Variants in NRXN1 observed in about 807,000 individuals in gnomAD.
NRXN1 encodes neurexin 1.
In NRXN1, 39 loss-of-function variants were observed where a neutral mutation model predicts 150.9. The ratio of observed to expected loss-of-function variants is 0.26; its 90% CI spans 0.20 to 0.34. NRXN1 has a LOEUF of 0.34. Ranked by LOEUF, NRXN1 falls within the 10% of genes least tolerant of loss-of-function variation. The pLI is 1.00. For missense variants in NRXN1, 1,815 were observed against 1,949.9 expected, an observed-to-expected ratio of 0.93 and a Z score of 1.30; for synonymous variants, 924 against 757.0, an observed-to-expected ratio of 1.22 and a Z score of -3.62.
intron 12 of NRXN1, among the ~76,000 whole-genome samples, chr2:50,514,055 G>T (rs1048370669): frequency 6.6e-6 from 1 of 152,024 alleles, no homozygotes; most frequent in Non-Finnish European, 1.5e-5. Flanking sequence ...CACTTTATTT[G>T]TCTAACATAT....
chr2:50,645,550 G>A (rs1038657690), intron 5 of NRXN1, among the ~76,000 whole-genome samples: 5 of 151,900 alleles, frequency 3.3e-5, no homozygotes, highest in Non-Finnish European at 5.9e-5. Flanking sequence ...TGTTATGGTA[G>A]TCGTCATGGT....
At chr2:50,091,256 A>G (rs1558858127) in intron 19 of NRXN1, 67 bp downstream of exon 19, 10 of 1,577,668 alleles carry the variant, frequency 6.3e-6, no homozygotes, top group Non-Finnish European at 8.7e-6. Flanking sequence ...AACGGATGCA[A>G]AACAGTGCTT....
intron 5 of NRXN1, among the ~76,000 whole-genome samples, chr2:50,819,946 G>A (rs912992391): frequency 1.3e-5 from 2 of 151,966 alleles, no homozygotes; most frequent in South Asian, 2.1e-4. Context: ...GTCCTGGTAC[G>A]CACCAGCACC....
At chr2:50,011,188 T>C (rs1312509070) in intron 21 of NRXN1, among the ~76,000 whole-genome samples, 2 of 152,136 alleles carry the variant, frequency 1.3e-5, no homozygotes, top group African/African-American at 2.4e-5. Context: ...GAATGGAACT[T>C]AGGTAGCTAT....
chr2:49,925,372 T>C (rs896385972), intron 22 of NRXN1, among the ~76,000 whole-genome samples: 8 of 151,926 alleles, frequency 5.3e-5, no homozygotes, highest in African/African-American at 1.9e-4. Context: ...GAGATTTAAA[T>C]ATATTCATGA....
chr2:50,993,684 T>C (rs1389220350), intron 2 of NRXN1, among the ~76,000 whole-genome samples: 1 of 151,980 alleles, frequency 6.6e-6, no homozygotes, highest in Non-Finnish European at 1.5e-5. Flanking sequence ...GCTAATAAAA[T>C]TTTAGATTCC....
intron 8 of NRXN1, among the ~76,000 whole-genome samples, chr2:50,610,808 T>G (rs1677991827): frequency 6.7e-6 from 1 of 148,388 alleles, no homozygotes; most frequent in Admixed American, 6.8e-5. Context: ...TTATATATAT[T>G]TTTTGAGACA....
intron 19 of NRXN1, among the ~76,000 whole-genome samples, chr2:50,087,367 A>G (rs1355203521): frequency 6.6e-6 from 1 of 152,150 alleles, no homozygotes; most frequent in African/African-American, 2.4e-5. Flanking sequence ...TGTAAAAGAA[A>G]TCTTTTGACA....
chr2:50,907,186 CA>C (rs200119250), intron 5 of NRXN1, among the ~76,000 whole-genome samples: 12,521 of 140,920 alleles, frequency 0.089, 559 homozygotes, highest in South Asian at 0.12. Context: ...ACCAAAAAAC[CA>C]AAAAAAAAAA....
In NRXN1 at chr2:50,865,575, T is replaced by C. The variant is rs116747834; in HGVS notation, c.832+56294A>G. Among the ~76,000 whole-genome samples, 347 of 129,632 alleles carry C rather than the reference T, an allele frequency of 2.7e-3. 1 individual carries two copies. Among genetic ancestry groups the C allele is most frequent in the African/African-American group, 9.3e-3 (308 of 33,190 alleles). 85.0% of individuals were successfully genotyped at this position (129,632 alleles called of 152,430 possible). ...TGCCTTCTCTAAGTGGCTCCAAATATATAAATGTGTGTGTGTGTGTGTGTG... is the reference window on the plus strand; with the variant it reads ...TGCCTTCTCTAAGTGGCTCCAAATACATAAATGTGTGTGTGTGTGTGTGTG... On this transcript the variant is annotated intron_variant, in intron 5 of 22. Transcript: ENST00000401669.
chr2:50,073,930 T>C (rs1156970032), intron 19 of NRXN1, among the ~76,000 whole-genome samples: 3 of 152,206 alleles, frequency 2.0e-5, no homozygotes, highest in Admixed American at 6.5e-5. Context: ...ATAGAGTTTA[T>C]GCCAAAGGAG....
intron 17 of NRXN1, 118 bp downstream of exon 17, chr2:50,465,324 G>A: frequency 9.9e-7 from 1 of 1,011,758 alleles, no homozygotes; most frequent in Non-Finnish European, 1.4e-6. Context: ...GCTTCTATGG[G>A]TTATGACAGT....
chr2:50,257,468 C>A (rs927011489), intron 17 of NRXN1, among the ~76,000 whole-genome samples: 2 of 152,088 alleles, frequency 1.3e-5, no homozygotes, highest in African/African-American at 4.8e-5. Flanking sequence ...ACTTTCTCCA[C>A]CTTTTGAGAT....
intron 17 of NRXN1, among the ~76,000 whole-genome samples, chr2:50,386,858 G>C (rs1011695620): frequency 3.3e-5 from 5 of 152,122 alleles, no homozygotes; most frequent in African/African-American, 9.7e-5. Context: ...TTAGTGTTAT[G>C]CTGCCCAGGG....
intron 17 of NRXN1, among the ~76,000 whole-genome samples, chr2:50,339,566 T>A (rs2077416175): frequency 6.6e-6 from 1 of 152,218 alleles, no homozygotes; most frequent in African/African-American, 2.4e-5. Context: ...GTTCCCACAA[T>A]TAATGCAGCA....
At chr2:50,666,876 A>G (rs59691932) in intron 5 of NRXN1, among the ~76,000 whole-genome samples, 3 of 33,748 alleles carry the variant, frequency 8.9e-5, no homozygotes, top group Non-Finnish European at 1.9e-4. Flanking sequence ...GATGATGATG[A>G]TGATGTGTGT....
At chr2:50,379,032 T>C (rs1280352876) in intron 17 of NRXN1, among the ~76,000 whole-genome samples, 2 of 152,076 alleles carry the variant, frequency 1.3e-5, no homozygotes, top group Non-Finnish European at 2.9e-5. Flanking sequence ...AGAGTATCTG[T>C]CATGCAGCAG....
chr2:50,643,119 A>C (rs1684301577), intron 5 of NRXN1, among the ~76,000 whole-genome samples: 1 of 151,964 alleles, frequency 6.6e-6, no homozygotes, highest in African/African-American at 2.4e-5. Context: ...TTACAGAATA[A>C]ATCTAACTAC....
At chr2:50,872,242 A>G (rs2106104209) in intron 5 of NRXN1, among the ~76,000 whole-genome samples, 1 of 151,922 alleles carries the variant, frequency 6.6e-6, no homozygotes, top group East Asian at 2.0e-4. Flanking sequence ...TGTGGGAGAG[A>G]GAGATGTGAG....
Sources: allele counts gnomAD v4.1 joint callset (sites outside exome capture counted in the v4.1 genomes callset), GRCh38; gene constraint gnomAD v4.1.1; transcripts MANE v1.5; gene names NCBI Gene and HGNC (gene_info 2026-07-23, HGNC 2026-07-21).